The following GRK5 variants were observed in gnomAD, a reference collection of about 807,000 sequenced individuals.
GRK5 encodes the protein g protein-coupled receptor kinase GRK5.
GRK5 carries 40 observed loss-of-function variants against 78.4 expected under a neutral mutation model. The observed-to-expected ratio is 0.51, with a 90% CI of 0.40 to 0.66. The LOEUF (loss-of-function observed/expected upper bound fraction) is 0.66. GRK5 is among the 30% of genes least tolerant of loss of function. The probability of loss-of-function intolerance (pLI) is 0.00; values close to 1 mark genes in which losing one functional copy is unlikely to be tolerated. For synonymous variants in GRK5, 289 were observed against 296.8 expected, an observed-to-expected ratio of 0.97 and a Z score of 0.27; for missense variants, 598 against 759.9, an observed-to-expected ratio of 0.79 and a Z score of 2.50.
intron 1 of GRK5, among the ~76,000 whole-genome samples, chr10:119,261,705 C>G (rs868262938): frequency 5.3e-5 from 8 of 152,204 alleles, no homozygotes; most frequent in African/African-American, 1.2e-4. Flanking sequence ...GAGACCAGCC[C>G]GGCCAACACA....
Position 119,448,063 on chromosome 10 carries a change from G to A in GRK5, c.1267-60G>A, listed in dbSNP as rs997838674. On this transcript the variant is annotated intron_variant, in intron 12 of 15. Transcript: ENST00000392870. ...GCATGGTGCAGACACTGTGGAGGCA[G>A]GAGGTCCGGACAGGAGGAGAGGCCC... The A allele has an allele frequency of 1.4e-5, 20 of 1,476,932 alleles. No homozygotes were observed. The Admixed American group carries it at 2.1e-4, about 16-fold the overall frequency. The allele number at this position is 1,476,932 out of a possible 1,614,324, so 91.5% of individuals were successfully genotyped here. A position where few individuals can be genotyped will look rare whatever the true frequency, so the allele number is the denominator to read the frequency against.
At position 119,364,334 on chromosome 10, in the gene GRK5, A is replaced by G. The variant is rs542847968; in HGVS notation, c.149-16481A>G. On this transcript the variant is annotated intron_variant, in intron 2 of 15. Coordinates refer to ENST00000392870, the MANE Select transcript of GRK5 (RefSeq NM_005308.3). ...CTGCTTTGGGCTGGACCAGAGGTTC[A>G]GGGTATCCTTTTGGCTCCCAGGGCT... 2.0e-5 allele frequency among the ~76,000 whole-genome samples: 3 copies of G among 152,350 alleles called. No homozygotes were observed. The South Asian group carries it at 6.2e-4, about 32-fold the overall frequency.
rs1424827503 is a variant in GRK5 at position 119,270,371 on chromosome 10, CT to C, written c.53-56143del. ...GTACTGAACATGTACAAACATTTTC[CT>C]TGTCATTATTCCCTAAACAATACGT... is the stretch of plus-strand genomic sequence containing the variant. On this transcript the variant is annotated intron_variant, in intron 1 of 15. Coordinates refer to ENST00000392870, the MANE Select transcript of GRK5 (RefSeq NM_005308.3). Among the ~76,000 whole-genome samples the C allele has an allele frequency of 4.6e-5, 7 of 152,320 alleles. No homozygotes were observed. The East Asian group carries it at 1.3e-3, about 29-fold the overall frequency.
chr10:119,407,474 T>C (rs1852261124), intron 4 of GRK5, among the ~76,000 whole-genome samples: 1 of 152,244 alleles, frequency 6.6e-6, no homozygotes, highest in Non-Finnish European at 1.5e-5. Context: ...TGCTGAGACA[T>C]TCGTAATGTC....
At chr10:119,297,405 G>T (rs1014049256) in intron 1 of GRK5, among the ~76,000 whole-genome samples, 14 of 152,150 alleles carry the variant, frequency 9.2e-5, no homozygotes, top group African/African-American at 3.4e-4. Context: ...TGAAGAGTCT[G>T]GCCTCCCCAC....
At chr10:119,371,136 G>T (rs1851539784) in intron 2 of GRK5, among the ~76,000 whole-genome samples, 1 of 152,176 alleles carries the variant, frequency 6.6e-6, no homozygotes, top group African/African-American at 2.4e-5. Context: ...AGGAGTGCCT[G>T]GGGCAACAAT....
At chr10:119,391,906 A>G (rs1851893832) in intron 3 of GRK5, among the ~76,000 whole-genome samples, 1 of 152,334 alleles carries the variant, frequency 6.6e-6, no homozygotes, top group East Asian at 1.9e-4. Context: ...ACCTCATGGC[A>G]TCTCTGACTT....
intron 3 of GRK5, among the ~76,000 whole-genome samples, chr10:119,394,082 TG>T (rs1290002126): frequency 3.5e-5 from 5 of 143,668 alleles, no homozygotes; most frequent in African/African-American, 1.3e-4. Flanking sequence ...TGGGTGTGTG[TG>T]GGTATCTGTG....
At chr10:119,414,243 C>G (rs1208102728) in intron 4 of GRK5, among the ~76,000 whole-genome samples, 1 of 152,254 alleles carries the variant, frequency 6.6e-6, no homozygotes, top group Non-Finnish European at 1.5e-5. Context: ...GCCCTAAGTG[C>G]TTGCGTCTGG....
chr10:119,354,234 C>T (rs543636455), intron 2 of GRK5, among the ~76,000 whole-genome samples: 26 of 151,858 alleles, frequency 1.7e-4, no homozygotes, highest in African/African-American at 4.8e-4. Flanking sequence ...TACCTTTGTC[C>T]GTGGAGTGGG....
intron 2 of GRK5, among the ~76,000 whole-genome samples, chr10:119,338,400 A>G (rs1388114934): frequency 6.6e-6 from 1 of 152,194 alleles, no homozygotes; most frequent in African/African-American, 2.4e-5. Flanking sequence ...GTCACCGCTA[A>G]TTTTACATCT....
intron 1 of GRK5, among the ~76,000 whole-genome samples, chr10:119,245,232 C>T (rs926825641): frequency 2.6e-5 from 4 of 151,962 alleles, no homozygotes; most frequent in African/African-American, 9.7e-5. Context: ...GAGCCAAGAT[C>T]GCACTACTGC....
intron 1 of GRK5, among the ~76,000 whole-genome samples, chr10:119,318,102 C>G (rs955253346): frequency 6.6e-6 from 1 of 152,074 alleles, no homozygotes; most frequent in Non-Finnish European, 1.5e-5. Flanking sequence ...CTCCTTCCAA[C>G]AAATGCATGG....
At chr10:119,393,072 A>T (rs1433579301) in intron 3 of GRK5, among the ~76,000 whole-genome samples, 1 of 152,162 alleles carries the variant, frequency 6.6e-6, no homozygotes, top group Non-Finnish European at 1.5e-5. Flanking sequence ...CCACCATGGT[A>T]CCTTTCCTCT....
intron 4 of GRK5, among the ~76,000 whole-genome samples, chr10:119,411,345 C>T (rs1048452469): frequency 2.0e-4 from 30 of 152,152 alleles, no homozygotes; most frequent in African/African-American, 6.3e-4. Context: ...CTTTCTCCTC[C>T]GCCAGACACA....
At chr10:119,348,906 G>A (rs1252335574) in intron 2 of GRK5, among the ~76,000 whole-genome samples, 2 of 152,172 alleles carry the variant, frequency 1.3e-5, no homozygotes, top group South Asian at 2.1e-4. Flanking sequence ...CCAGACGACA[G>A]GGCCGCTCTG....
At chr10:119,389,208 G>A (rs1291127050) in intron 3 of GRK5, among the ~76,000 whole-genome samples, 1 of 152,222 alleles carries the variant, frequency 6.6e-6, no homozygotes, top group East Asian at 1.9e-4. Flanking sequence ...CTAGACTCTA[G>A]GTGATGAAAT....
chr10:119,267,857 C>T lies in GRK5; in HGVS notation c.53-58659C>T, dbSNP rs1037789519. Among the ~76,000 whole-genome samples, 2 of 152,116 alleles carry T rather than the reference C, an allele frequency of 1.3e-5. No homozygotes were observed. Among genetic ancestry groups the T allele is most frequent in the East Asian group, 1.9e-4 (1 of 5,184 alleles). ...TCTCCACCCCAGCTCCTCCACACTC[C>T]CCACCCCCCACAGCCCAGCCAGGTC... is the stretch of plus-strand genomic sequence containing the variant. On this transcript the variant is annotated intron_variant, in intron 1 of 15. Coordinates refer to ENST00000392870, the MANE Select transcript of GRK5 (RefSeq NM_005308.3). This position sits in a 1 kb window ranked among gnomAD's most constrained non-coding sequence, Gnocchi z 4.1.
intron 2 of GRK5, among the ~76,000 whole-genome samples, chr10:119,328,736 G>C (rs1362679435): frequency 6.6e-6 from 1 of 152,242 alleles, no homozygotes; most frequent in African/African-American, 2.4e-5. Flanking sequence ...CATCTCCAAG[G>C]GGAGCAATGT....
Sources: allele counts gnomAD v4.1 joint callset (sites outside exome capture counted in the v4.1 genomes callset), GRCh38; gene constraint gnomAD v4.1.1; non-coding constraint Gnocchi (gnomAD v3.1); transcripts MANE v1.5; gene names NCBI Gene and HGNC (gene_info 2026-07-23, HGNC 2026-07-21).